The following PRPF18 variants were observed in gnomAD, a reference collection of about 807,000 sequenced individuals.
The protein encoded by PRPF18 is pre-mRNA processing factor 18, also known as pre-mRNA-splicing factor 18.
PRPF18 carries 38 observed loss-of-function variants against 46.5 expected under a neutral mutation model. The ratio of observed to expected loss-of-function variants is 0.82; its 90% CI spans 0.63 to 1.07. The LOEUF (loss-of-function observed/expected upper bound fraction) is 1.07, where lower values mean the gene tolerates loss of function less well. Among genes scored for constraint, PRPF18 ranks in the 50% least tolerant of loss-of-function variants. The pLI is 0.00. For missense variants in PRPF18, 263 were observed against 410.0 expected (o/e 0.64, Z 3.10); for synonymous variants, 152 against 146.7 (o/e 1.04, Z -0.26).
chr10:13,641,753 A>G, the PRPF18 span: 2 of 152,256 alleles, frequency 1.3e-5, no homozygotes, highest in Non-Finnish European at 2.9e-5. Flanking sequence ...GTGATATTAG[A>G]TGAGAACAGA....
chr10:13,595,509 T>A (rs371550721), intron 1 of PRPF18, among the ~76,000 whole-genome samples: 13 of 152,202 alleles, frequency 8.5e-5, no homozygotes, highest in Admixed American at 8.5e-4. Flanking sequence ...CGAAATAATA[T>A]TTTGGGAGTG....
At chr10:13,618,530 G>A (rs982616698) in intron 9 of PRPF18, among the ~76,000 whole-genome samples, 6 of 149,260 alleles carry the variant, frequency 4.0e-5, no homozygotes, top group Non-Finnish European at 8.9e-5. Context: ...AGAGGTTGAG[G>A]CAGAAGGATC....
intron 1 of PRPF18, chr10:13,591,491 G>T (rs2079960594): frequency 3.0e-6 from 2 of 663,162 alleles, no homozygotes; most frequent in Non-Finnish European, 5.4e-6. Flanking sequence ...AATTCCATGA[G>T]TCGGGGCAAA....
chr10:13,600,676 C>G (rs2080092443), intron 3 of PRPF18, among the ~76,000 whole-genome samples: 1 of 152,014 alleles, frequency 6.6e-6, no homozygotes, highest in Non-Finnish European at 1.5e-5. Context: ...TTCCCTTTCC[C>G]TTATTTAATA....
chr10:13,622,511 A>G (rs2080435141), intron 9 of PRPF18, among the ~76,000 whole-genome samples: 2 of 152,318 alleles, frequency 1.3e-5, no homozygotes, highest in South Asian at 4.1e-4. Flanking sequence ...CCCTCAAATT[A>G]GTCATTTGGG....
chr10:13,620,375 G>A (rs531906339), intron 9 of PRPF18, among the ~76,000 whole-genome samples: 1 of 152,302 alleles, frequency 6.6e-6, no homozygotes, highest in African/African-American at 2.4e-5. Flanking sequence ...GGCCGAGGAG[G>A]TAATTATGAA....
intron 9 of PRPF18, among the ~76,000 whole-genome samples, chr10:13,625,352 C>T (rs1022940579): frequency 2.6e-5 from 4 of 151,878 alleles, no homozygotes; most frequent in African/African-American, 9.7e-5. Context: ...ACGTTGTAGC[C>T]ATGAAATAAG....
intron 4 of PRPF18, among the ~76,000 whole-genome samples, chr10:13,608,372 C>A (rs549431632): frequency 1.3e-5 from 2 of 150,864 alleles, no homozygotes; most frequent in East Asian, 3.9e-4. Context: ...TGGCCAGGCC[C>A]GCTCCCCGAC....
chr10:13,652,321 T>A, the PRPF18 span: 1 of 335,462 alleles, frequency 3.0e-6, no homozygotes. Context: ...CAAGACCATC[T>A]TAAGTGCATA....
chr10:13,620,514 A>G (rs914150046), intron 9 of PRPF18, among the ~76,000 whole-genome samples: 15 of 152,198 alleles, frequency 9.9e-5, no homozygotes, highest in African/African-American at 3.4e-4. Flanking sequence ...TGTCATGTAT[A>G]TCAAGCTGTA....
chr10:13,654,314 C>T, the PRPF18 span: 1 of 823,512 alleles, frequency 1.2e-6, no homozygotes, highest in Non-Finnish European at 2.1e-6. Flanking sequence ...AGTGATGAAC[C>T]CTCATCATCC....
the PRPF18 span, among the ~76,000 whole-genome samples, chr10:13,638,299 CTTT>C: frequency 4.8e-5 from 6 of 125,030 alleles, no homozygotes; most frequent in Admixed American, 1.6e-4. Flanking sequence ...CTTGGCTTTT[CTTT>C]TTTTTTTTTT....
At chr10:13,621,383 A>G (rs140525092) in intron 9 of PRPF18, among the ~76,000 whole-genome samples, 2 of 152,142 alleles carry the variant, frequency 1.3e-5, no homozygotes, top group Admixed American at 6.5e-5. Context: ...GATTTTCCCA[A>G]CTTGCTCCCT....
At chr10:13,654,422 T>C in the PRPF18 span, 3 of 1,600,456 alleles carry the variant, frequency 1.9e-6, no homozygotes, top group Non-Finnish European at 2.6e-6. Context: ...TCACCCAGTC[T>C]GCCAGGTTAG....
chr10:13,647,917 A>G, the PRPF18 span: 1 of 152,134 alleles, frequency 6.6e-6, no homozygotes, highest in East Asian at 1.9e-4. Flanking sequence ...CTCTCCTGCA[A>G]CTGATCTCCC....
At chr10:13,644,297 T>A in the PRPF18 span, 1 of 152,212 alleles carries the variant, frequency 6.6e-6, no homozygotes, top group African/African-American at 2.4e-5. Context: ...TTATTTTGTT[T>A]TAAAGAAATA....
the PRPF18 span, chr10:13,649,720 C>T: frequency 1.3e-5 from 2 of 152,190 alleles, no homozygotes; most frequent in African/African-American, 2.4e-5. Context: ...GACCCTTGTT[C>T]TGGCTGCTCA....
intron 1 of PRPF18, among the ~76,000 whole-genome samples, chr10:13,590,627 A>G (rs2133089078): frequency 6.7e-6 from 1 of 149,298 alleles, no homozygotes; most frequent in South Asian, 2.1e-4. Flanking sequence ...TCTCAAAAAA[A>G]AAAAAAAAAA....
chr10:13,647,012 A>G, the PRPF18 span: 7 of 975,804 alleles, frequency 7.2e-6, no homozygotes, highest in Non-Finnish European at 7.3e-6. Flanking sequence ...GGAGGAATCC[A>G]GGAAACAGCT....
Sources: gnomAD v4.1 joint callset for allele counts (sites outside exome capture counted in the v4.1 genomes callset) on GRCh38, gnomAD v4.1.1 for gene constraint, MANE v1.5 for transcripts, NCBI Gene and HGNC (gene_info 2026-07-23, HGNC 2026-07-21) for gene names.